Variants in FBXO22 observed in about 807,000 individuals in gnomAD.
The protein encoded by FBXO22 is F-box only protein 22.
In FBXO22, 13 loss-of-function variants were observed where a neutral mutation model predicts 37.2. The ratio of observed to expected loss-of-function variants is 0.35; its 90% confidence interval spans 0.23 to 0.56. The LOEUF is 0.56. Among genes scored for constraint, FBXO22 ranks in the 20% least tolerant of loss-of-function variants. The pLI, the probability that FBXO22 is intolerant of heterozygous loss-of-function variation, is 0.87. For missense variants in FBXO22, 446 were observed against 509.9 expected, an observed-to-expected ratio of 0.87 and a Z score of 1.21; for synonymous variants, 189 against 189.1, an observed-to-expected ratio of 1.00 and a Z score of 0.00.
Position 75,904,063 on chromosome 15 carries a change from C to G in FBXO22, c.100C>G (p.Leu34Val), listed in dbSNP as rs757019220. 8 of 1,553,858 alleles carry G rather than the reference C, an allele frequency of 5.1e-6. No individual in the cohort carries two copies. The highest frequency in any genetic ancestry group is 7.0e-6 in the Non-Finnish European group (8 of 1,147,910). ...CCTGGCGGAGGTGGTGGAGCGTGTG[C>G]TCACCTTCCTGCCCGCCAAGGCGTT... ...SNLAEVVERV[L>V]TFLPAKALLR... The change falls in exon 1 of 7, where the codon CTC (leucine) becomes GTC (valine). Residue 34 changes from leucine to valine, a missense_variant. By Grantham distance (32) the Leu-to-Val change is conservative. Around this residue, in one of 2 missense-constraint regions of FBXO22, gnomAD observed 131 missense variants for 99.8 expected, o/e 1.31. Coordinates refer to ENST00000308275, the MANE Select transcript of FBXO22 (RefSeq NM_147188.3).
chr15:75,917,458 T>G, intron 5 of FBXO22, 64 bp downstream of exon 5: 1 of 1,243,732 alleles, frequency 8.0e-7, no homozygotes, highest in Middle Eastern at 2.8e-4. Context: ...TCTTTTTAAT[T>G]CTGGCTAGTT....
At chr15:75,909,538 T>C (rs997121050) in intron 2 of FBXO22, among the ~76,000 whole-genome samples, 3 of 152,216 alleles carry the variant, frequency 2.0e-5, no homozygotes, top group Non-Finnish European at 1.5e-5. Context: ...CTGTGATGCC[T>C]GTTCAAATAA....
intron 5 of FBXO22, among the ~76,000 whole-genome samples, chr15:75,919,674 GTTGGCC>G (rs1198534219): frequency 3.3e-5 from 5 of 152,214 alleles, no homozygotes; most frequent in Non-Finnish European, 7.3e-5. Context: ...AGATGCTAGT[GTTGGCC>G]TCCACCCTAG....
chr15:75,913,186 T>C lies in FBXO22; in HGVS notation c.280-17T>C. 6.3e-7 allele frequency: 1 copy of C among 1,590,680 alleles called. No individual in the cohort carries two copies. The highest frequency in any genetic ancestry group is 8.6e-7 in the Non-Finnish European group (1 of 1,167,620). On this transcript the variant is annotated splice_polypyrimidine_tract_variant and intron_variant, in intron 2 of 6. Coordinates refer to ENST00000308275, the MANE Select transcript of FBXO22 (RefSeq NM_147188.3). ...GATTCATGGGATCCAATTCCAATTTTTTTTTTTTCTTTGCAGAATGTTCGC... is the reference window on the plus strand; with the variant it reads ...GATTCATGGGATCCAATTCCAATTTCTTTTTTTTCTTTGCAGAATGTTCGC...
intron 4 of FBXO22, among the ~76,000 whole-genome samples, chr15:75,914,704 T>C (rs1228903031): frequency 9.9e-5 from 15 of 152,170 alleles, no homozygotes. Context: ...TTCTTTTCTG[T>C]AGTTAACTGG....
intron 6 of FBXO22, 69 bp downstream of exon 6, chr15:75,930,118 G>A: frequency 6.2e-7 from 1 of 1,602,914 alleles, no homozygotes; most frequent in Non-Finnish European, 8.5e-7. Context: ...GTCACTTTGG[G>A]GTTAACAATT....
chr15:75,932,608 G>C lies in FBXO22; in HGVS notation c.795-77G>C, dbSNP rs995870698. The C allele has an allele frequency of 5.1e-6, 7 of 1,375,770 alleles. No individual in the cohort carries two copies. In the African/African-American group the frequency reaches 5.8e-5, roughly 11 times the overall value. The allele number at this position is 1,375,770 out of a possible 1,614,324, so 85.2% of individuals were successfully genotyped here. A position where few individuals can be genotyped will look rare whatever the true frequency, so the allele number is the denominator to read the frequency against. On this transcript the variant is annotated intron_variant, in intron 6 of 6. Coordinates refer to ENST00000308275, the MANE Select transcript of FBXO22 (RefSeq NM_147188.3). ...CTAAAGGCAGCAGCCTCCCGTCAGT[G>C]AATCAGGAGGATTTTGCTTCTATAC...
chr15:75,920,951 C>T (rs951340620), intron 5 of FBXO22, among the ~76,000 whole-genome samples: 3 of 152,100 alleles, frequency 2.0e-5, no homozygotes, highest in Non-Finnish European at 2.9e-5. Flanking sequence ...TGCTTAATGA[C>T]GGGGATGAGT....
At chr15:75,932,553 G>T in intron 6 of FBXO22, 132 bp from the exon 7 acceptor site, 1 of 796,482 alleles carries the variant, frequency 1.3e-6, no homozygotes, top group Non-Finnish European at 2.0e-6. Context: ...ACTCACCTAT[G>T]AGGGTGAGCC....
chr15:75,929,418 C>T (rs2029925909), intron 5 of FBXO22, among the ~76,000 whole-genome samples: 1 of 152,022 alleles, frequency 6.6e-6, no homozygotes, highest in African/African-American at 2.4e-5. Flanking sequence ...GGGCACTGTT[C>T]ACCACACTAT....
At chr15:75,931,567 G>C (rs896644267) in intron 6 of FBXO22, among the ~76,000 whole-genome samples, 1 of 152,160 alleles carries the variant, frequency 6.6e-6, no homozygotes, top group African/African-American at 2.4e-5. Context: ...CTACTAGCTA[G>C]CCTTATTACT....
intron 4 of FBXO22, among the ~76,000 whole-genome samples, chr15:75,916,139 C>G (rs543802714): frequency 6.7e-6 from 1 of 148,876 alleles, no homozygotes; most frequent in African/African-American, 2.5e-5. Context: ...TTAGAAGATT[C>G]AGATAAGCAA....
intron 2 of FBXO22, among the ~76,000 whole-genome samples, chr15:75,906,093 C>A (rs1445605178): frequency 6.6e-6 from 1 of 152,134 alleles, no homozygotes; most frequent in African/African-American, 2.4e-5. Flanking sequence ...ACCCCTCTCA[C>A]CCCCTAGTTT....
rs2030754341 is a variant in FBXO22, at chr15:75,939,850, T to A, written c.*6748T>A. The A allele has an allele frequency of 1.3e-5, 2 of 151,982 alleles. No individual in the cohort carries two copies. Among genetic ancestry groups the A allele is most frequent in the East Asian group, 3.9e-4 (2 of 5,172 alleles). 9.4% of individuals were successfully genotyped at this position (151,982 alleles called of 1,614,324 possible). A position where few individuals can be genotyped will look rare whatever the true frequency, so the allele number is the denominator to read the frequency against. On this transcript the variant is annotated 3_prime_UTR_variant, in exon 7 of 7. Transcript: ENST00000308275. The stretch of plus-strand genomic sequence containing the variant: ...AGCAGCCTCTTGTGATTAAAAACAC[T>A]CAACAAATGAGGGATAAGAGGAAAC...
At position 75,917,303 on chromosome 15, in the gene FBXO22, C is replaced by T; in HGVS notation, c.537C>T (p.Phe179=). The stretch of plus-strand genomic sequence containing the variant: ...GAGAATCTGGTTTTGCTTTATTATT[C>T]CCTCAAATTGAAGGAATAAAAATAC... The part of the protein sequence containing the change: ...EIGESGFALL[F]PQIEGIKIQP... Residue 179 remains phenylalanine, a synonymous_variant, in exon 5 of 7, where the codon TTC becomes TTT. Coordinates refer to ENST00000308275, the MANE Select transcript of FBXO22 (RefSeq NM_147188.3). The T allele has an allele frequency of 6.2e-7, 1 of 1,610,984 alleles. No individual in the cohort carries two copies. The highest frequency in any genetic ancestry group is 8.5e-7 in the Non-Finnish European group (1 of 1,177,718).
At chr15:75,913,182 A>ATTTTTT in intron 2 of FBXO22, 21 bp from the exon 3 acceptor site, 2 of 1,178,220 alleles carry the variant, frequency 1.7e-6, no homozygotes, top group African/African-American at 1.6e-5. Context: ...TCCAATTCCA[A>ATTTTTT]TTTTTTTTTT....
chr15:75,921,063 G>A (rs1900312244), intron 5 of FBXO22, among the ~76,000 whole-genome samples: 1 of 152,172 alleles, frequency 6.6e-6, no homozygotes, highest in African/African-American at 2.4e-5. Flanking sequence ...GCTATACAGT[G>A]TAGCCTATTG....
chr15:75,910,738 C>G (rs1900034341), intron 2 of FBXO22, among the ~76,000 whole-genome samples: 1 of 152,144 alleles, frequency 6.6e-6, no homozygotes, highest in Non-Finnish European at 1.5e-5. Flanking sequence ...ATGATAGTTT[C>G]TTTTGCTGTG....
Position 75,917,295 on chromosome 15 carries a change from T to G in FBXO22, c.529T>G (p.Leu177Val). ...AGAAATTGGAGAATCTGGTTTTGCT[T>G]TATTATTCCCTCAAATTGAAGGAAT... is the stretch of plus-strand genomic sequence containing the variant. Reference protein sequence around the residue: ...EIEIGESGFALLFPQIEGIKI... With the variant: ...EIEIGESGFAVLFPQIEGIKI... The change falls in exon 5 of 7, where the codon TTA (leucine) becomes GTA (valine). Residue 177 changes from leucine (L) to valine (V), a missense_variant. Around this residue, in one of 2 missense-constraint regions of FBXO22, gnomAD observed 315 missense variants for 410.1 expected, o/e 0.77. Coordinates refer to ENST00000308275, the MANE Select transcript of FBXO22 (RefSeq NM_147188.3). 1.2e-6 allele frequency: 2 copies of G among 1,612,586 alleles called. No homozygotes were observed. Among genetic ancestry groups the G allele is most frequent in the Non-Finnish European group, 1.7e-6 (2 of 1,178,996 alleles).
Sources: allele counts gnomAD v4.1 joint callset (sites outside exome capture counted in the v4.1 genomes callset), GRCh38; gene constraint gnomAD v4.1.1; regional missense constraint gnomAD v4.1.1; transcripts MANE v1.5; gene names NCBI Gene and HGNC (gene_info 2026-07-23, HGNC 2026-07-21).